The following OR9Q1 variants were observed in gnomAD, a reference collection of about 807,000 sequenced individuals.
The protein encoded by OR9Q1 is olfactory receptor family 9 subfamily Q member 1.
For missense variants in OR9Q1, 374 were observed against 378.8 expected (o/e 0.99, Z 0.11); for synonymous variants, 153 against 148.6 (o/e 1.03, Z -0.22).
rs575580155 is a variant in OR9Q1 at position 58,140,774 on chromosome 11, T to C, written c.-14-38657T>C. ...AGGATTGACTTGGCAATGCGGGCTG[T>C]TTTTTGGTTCCATATGAACTTTAAA... On this transcript the variant is annotated intron_variant, in intron 2 of 2. Transcript: ENST00000335397. 2.5e-4 allele frequency among the ~76,000 whole-genome samples: 38 copies of C among 152,318 alleles called. No individual in the cohort carries two copies. The East Asian group carries it at 6.8e-3, about 27-fold the overall frequency.
chr11:58,066,740 C>T (rs1377287164), intron 2 of OR9Q1, among the ~76,000 whole-genome samples: 1 of 152,158 alleles, frequency 6.6e-6, no homozygotes, highest in East Asian at 1.9e-4. Context: ...TGACCCTGCA[C>T]CAGGGTCTGT....
intron 2 of OR9Q1, among the ~76,000 whole-genome samples, chr11:58,155,153 T>C (rs1489273288): frequency 6.6e-6 from 1 of 152,052 alleles, no homozygotes; most frequent in Non-Finnish European, 1.5e-5. Context: ...AGGGAAGAGA[T>C]GGTGTTGTAG....
intron 2 of OR9Q1, chr11:58,119,288 C>A: frequency 6.2e-7 from 1 of 1,613,902 alleles, no homozygotes; most frequent in East Asian, 2.2e-5. Flanking sequence ...TAGAGTTTGA[C>A]ATCTACTTGG....
chr11:58,158,630 G>A (rs1377625082), intron 2 of OR9Q1, among the ~76,000 whole-genome samples: 1 of 152,016 alleles, frequency 6.6e-6, no homozygotes, highest in East Asian at 1.9e-4. Context: ...AAAGAAATGG[G>A]AACCTTATGA....
rs189629004 is a variant in OR9Q1, at chr11:58,098,640, A to G, written c.-15+42693A>G. 2.0e-3 allele frequency among the ~76,000 whole-genome samples: 300 copies of G among 152,320 alleles called. 3 individuals carry two copies. Among genetic ancestry groups the G allele is most frequent in the African/African-American group, 6.8e-3 (282 of 41,568 alleles). On this transcript the variant is annotated intron_variant, in intron 2 of 2. Coordinates refer to ENST00000335397, the MANE Select transcript of OR9Q1 (RefSeq NM_001005212.4). ...CAGAGCGAGACTCCGTCTAAAATAA[A>G]CAAATAAATAAATAAATAATCTATT...
intron 2 of OR9Q1, among the ~76,000 whole-genome samples, chr11:58,106,779 C>T (rs1853844522): frequency 6.6e-6 from 1 of 152,068 alleles, no homozygotes; most frequent in Admixed American, 6.6e-5. Flanking sequence ...ATTCTCGGCA[C>T]CTTTGTCAAA....
chr11:58,118,377 TG>T, intron 2 of OR9Q1: 1 of 668,486 alleles, frequency 1.5e-6, no homozygotes, highest in Non-Finnish European at 2.6e-6. Context: ...CCTGTGTGCC[TG>T]GTGGTACCTA....
chr11:58,090,302 T>C (rs1853672111), intron 2 of OR9Q1, among the ~76,000 whole-genome samples: 1 of 152,208 alleles, frequency 6.6e-6, no homozygotes, highest in South Asian at 2.1e-4. Flanking sequence ...ATAGCTCTTA[T>C]TATTTTGAGA....
intron 2 of OR9Q1, chr11:58,117,834 A>T (rs1853972904): frequency 1.3e-5 from 2 of 152,268 alleles, no homozygotes; most frequent in South Asian, 4.1e-4. Flanking sequence ...AGTAACATTA[A>T]AAAAAGGAAC....
chr11:58,114,028 C>G (rs1011606716), intron 2 of OR9Q1, among the ~76,000 whole-genome samples: 6 of 152,090 alleles, frequency 3.9e-5, no homozygotes, highest in African/African-American at 1.4e-4. Context: ...GAATCTGAAA[C>G]CCACAAAAAA....
At chr11:58,150,889 G>C (rs1055929132) in intron 2 of OR9Q1, among the ~76,000 whole-genome samples, 4 of 152,138 alleles carry the variant, frequency 2.6e-5, no homozygotes, top group Non-Finnish European at 4.4e-5. Context: ...CATCATCATC[G>C]TGGGAGATGA....
Position 58,058,487 on chromosome 11 carries a change from A to T in OR9Q1, c.-15+2540A>T, listed in dbSNP as rs184925965. Among the ~76,000 whole-genome samples the T allele has an allele frequency of 2.6e-5, 4 of 152,272 alleles. No individual in the cohort carries two copies. The East Asian group carries it at 5.8e-4, about 22-fold the overall frequency. ...AAAGGCAGGTATTATTCCTAAGTGT[A>T]TGGTCAGGCTCAAGCTGCCATTCAG... On this transcript the variant is annotated intron_variant, in intron 2 of 2. Transcript: ENST00000335397.
intron 2 of OR9Q1, among the ~76,000 whole-genome samples, chr11:58,112,052 C>A (rs1853906397): frequency 6.6e-6 from 1 of 152,086 alleles, no homozygotes; most frequent in South Asian, 2.1e-4. Context: ...CTTTTGGAGG[C>A]AGAGGCAGGT....
rs142508503 is a variant in OR9Q1 at position 58,119,245 on chromosome 11, G to C, written c.-14-60186G>C. ...TGAGGTGTAACAGGCATCCAGCAGG[G>C]AGAGGTGGCTCAGGAAGAAGTACAT... is the stretch of plus-strand genomic sequence containing the variant. On this transcript the variant is annotated intron_variant, in intron 2 of 2. Coordinates refer to ENST00000335397, the MANE Select transcript of OR9Q1 (RefSeq NM_001005212.4). 1.2e-5 allele frequency: 19 copies of C among 1,614,020 alleles called. No individual in the cohort carries two copies. The African/African-American group carries it at 2.0e-4, about 17-fold the overall frequency.
chr11:58,074,896 G>A lies in OR9Q1; in HGVS notation c.-15+18949G>A, dbSNP rs567098768. On this transcript the variant is annotated intron_variant, in intron 2 of 2. Coordinates refer to ENST00000335397, the MANE Select transcript of OR9Q1 (RefSeq NM_001005212.4). ...TCCATTTCTTGTTTTTGTCAGGTTTGTCAAAGATCAGATGGTTTTAGATGT... is the reference window on the plus strand; with the variant it reads ...TCCATTTCTTGTTTTTGTCAGGTTTATCAAAGATCAGATGGTTTTAGATGT... Among the ~76,000 whole-genome samples, 5 of 152,220 alleles carry A rather than the reference G, an allele frequency of 3.3e-5. No individual in the cohort carries two copies. The South Asian group carries it at 1.0e-3, about 32-fold the overall frequency.
At chr11:58,178,517 G>T (rs1196805500) in intron 2 of OR9Q1, among the ~76,000 whole-genome samples, 1 of 152,168 alleles carries the variant, frequency 6.6e-6, no homozygotes, top group Admixed American at 6.5e-5. Context: ...TAGTTCCACG[G>T]ATGTTGTTCT....
At chr11:58,109,861 T>C (rs12419849) in intron 2 of OR9Q1, among the ~76,000 whole-genome samples, 26,050 of 152,160 alleles carry the variant, frequency 0.17, 2,358 homozygotes, top group Non-Finnish European at 0.21. Context: ...CCACCTGAAA[T>C]TGGACCTTGG....
chr11:58,118,603 A>C (rs748788192), intron 2 of OR9Q1: 2 of 1,614,030 alleles, frequency 1.2e-6, no homozygotes, highest in Admixed American at 1.7e-5. Context: ...CATGGGGATG[A>C]CCACTGTATA....
At chr11:58,177,495 T>A (rs770035403) in intron 2 of OR9Q1, among the ~76,000 whole-genome samples, 4 of 152,188 alleles carry the variant, frequency 2.6e-5, no homozygotes, top group African/African-American at 9.7e-5. Context: ...TATAAATAAT[T>A]TAGAATAGTG....
Sources: allele counts gnomAD v4.1 joint callset (sites outside exome capture counted in the v4.1 genomes callset), GRCh38; gene constraint gnomAD v4.1.1; transcripts MANE v1.5; gene names NCBI Gene and HGNC (gene_info 2026-07-23, HGNC 2026-07-21).